FBXL17: variants seen among roughly 807,000 people sequenced by gnomAD.
FBXL17 encodes F-box/LRR-repeat protein 17.
In FBXL17, 22 loss-of-function variants were observed where a neutral mutation model predicts 66.2. The observed-to-expected ratio is 0.33, with a 90% CI of 0.24 to 0.47. The LOEUF is 0.47. Among genes scored for constraint, FBXL17 ranks in the 20% least tolerant of loss-of-function variants. FBXL17 has a pLI of 1.00. For missense variants in FBXL17, 878 were observed against 948.2 expected (o/e 0.93, Z 0.97); for synonymous variants, 474 against 400.5 (o/e 1.18, Z -2.19).
chr5:108,107,723 AAT>A (rs1749859698), intron 6 of FBXL17, among the ~76,000 whole-genome samples: 1 of 151,316 alleles, frequency 6.6e-6, no homozygotes, highest in African/African-American at 2.4e-5. Context: ...GAGGCAGGAG[AAT>A]GGCATGAACC....
chr5:108,007,436 A>G (rs1242357955), intron 7 of FBXL17, among the ~76,000 whole-genome samples: 1 of 152,208 alleles, frequency 6.6e-6, no homozygotes, highest in Admixed American at 6.5e-5. Flanking sequence ...GATCTTTCCT[A>G]GCAGGTTGTA....
rs1472909558 is a variant in FBXL17, at chr5:108,118,457, T to G, written c.1745+67660A>C. Among the ~76,000 whole-genome samples, 8 of 152,324 alleles carry G rather than the reference T, an allele frequency of 5.3e-5. No homozygotes were observed. In the East Asian group the frequency reaches 1.5e-3, roughly 29 times the overall value. On this transcript the variant is annotated intron_variant, in intron 6 of 8. Transcript: ENST00000542267. ...CTAGAGTCCCTCATCTCCCTCAGCCTCCACATGGGTAAGATCTTTTGCAAC... is the reference window on the plus strand; with the variant it reads ...CTAGAGTCCCTCATCTCCCTCAGCCGCCACATGGGTAAGATCTTTTGCAAC...
At chr5:107,993,712 A>G (rs908637643) in intron 7 of FBXL17, among the ~76,000 whole-genome samples, 1 of 152,198 alleles carries the variant, frequency 6.6e-6, no homozygotes, top group Admixed American at 6.5e-5. Context: ...TATGTTTAAA[A>G]GGAAGGTACA....
intron 4 of FBXL17, among the ~76,000 whole-genome samples, chr5:108,294,645 T>A (rs755234523): frequency 2.6e-5 from 4 of 152,094 alleles, no homozygotes; most frequent in Non-Finnish European, 5.9e-5. Context: ...GACATTTGTA[T>A]CCATCCATAT....
chr5:107,999,847 A>G (rs1262389554), intron 7 of FBXL17, among the ~76,000 whole-genome samples: 1 of 152,220 alleles, frequency 6.6e-6, no homozygotes, highest in Non-Finnish European at 1.5e-5. Context: ...AGTGTGATCT[A>G]TTCAACAGTC....
chr5:108,155,510 G>T (rs534375616), intron 6 of FBXL17, among the ~76,000 whole-genome samples: 1 of 151,862 alleles, frequency 6.6e-6, no homozygotes, highest in Non-Finnish European at 1.5e-5. Context: ...GCAAGACTCC[G>T]TCTCAAAAAA....
chr5:108,059,035 C>G (rs1313098949), intron 6 of FBXL17, among the ~76,000 whole-genome samples: 2 of 152,132 alleles, frequency 1.3e-5, no homozygotes, highest in Admixed American at 1.3e-4. Context: ...CATATATGAC[C>G]ATAGAAAAAG....
chr5:108,299,087 T>C, intron 4 of FBXL17: 2 of 976,688 alleles, frequency 2.0e-6, no homozygotes, highest in Non-Finnish European at 2.4e-6. Flanking sequence ...TTACTGCTAT[T>C]TTAAAAAACA....
chr5:108,377,254 C>T (rs1237868299), intron 1 of FBXL17, among the ~76,000 whole-genome samples: 1 of 152,288 alleles, frequency 6.6e-6, no homozygotes, highest in East Asian at 1.9e-4. Context: ...CATAGTTTCA[C>T]GTTATGCCAG....
chr5:108,055,986 C>G (rs929691233), intron 6 of FBXL17, among the ~76,000 whole-genome samples: 1 of 152,136 alleles, frequency 6.6e-6, no homozygotes, highest in Non-Finnish European at 1.5e-5. Flanking sequence ...AATCACATAC[C>G]TTCCTGCCAC....
At chr5:107,905,719 C>A (rs781592520) in intron 7 of FBXL17, among the ~76,000 whole-genome samples, 2 of 152,108 alleles carry the variant, frequency 1.3e-5, no homozygotes, top group African/African-American at 2.4e-5. Flanking sequence ...TATAACTCAC[C>A]CACACTAAAA....
At chr5:108,271,336 C>T (rs1049653171) in intron 4 of FBXL17, among the ~76,000 whole-genome samples, 1 of 152,140 alleles carries the variant, frequency 6.6e-6, no homozygotes, top group African/African-American at 2.4e-5. Context: ...ACTCTCAGCC[C>T]AACATCTGTT....
intron 3 of FBXL17, among the ~76,000 whole-genome samples, chr5:108,352,475 T>C (rs1249525769): frequency 1.3e-5 from 2 of 152,310 alleles, no homozygotes; most frequent in East Asian, 3.9e-4. Context: ...TAGTACTCTA[T>C]CTAAAAACCA....
chr5:107,912,797 A>G (rs1487215333), intron 7 of FBXL17, among the ~76,000 whole-genome samples: 1 of 152,178 alleles, frequency 6.6e-6, no homozygotes, highest in East Asian at 1.9e-4. Flanking sequence ...ATATATTATC[A>G]GTGCAATTAC....
chr5:108,055,608 CAAAAAAAAAAA>C (rs55653715), intron 6 of FBXL17, among the ~76,000 whole-genome samples: 6 of 51,150 alleles, frequency 1.2e-4, no homozygotes, highest in African/African-American at 3.3e-4. Context: ...GACTCTGTCT[CAAAAAAAAAAA>C]AAAAAAAAAA....
chr5:107,940,667 A>G (rs1277813148), intron 7 of FBXL17, among the ~76,000 whole-genome samples: 2 of 152,134 alleles, frequency 1.3e-5, no homozygotes, highest in African/African-American at 4.8e-5. Context: ...TGGGAGGGTA[A>G]TGGGTCCGTT....
chr5:108,314,975 C>G (rs1274579031), intron 4 of FBXL17, among the ~76,000 whole-genome samples: 1 of 150,752 alleles, frequency 6.6e-6, no homozygotes, highest in Non-Finnish European at 1.5e-5. Flanking sequence ...TTTTTATTTA[C>G]AATTTTATGT....
chr5:108,236,742 C>T (rs904921956), intron 4 of FBXL17, among the ~76,000 whole-genome samples: 6 of 152,156 alleles, frequency 3.9e-5, no homozygotes, highest in Middle Eastern at 3.4e-3. Context: ...GGTCATTTTC[C>T]GGGAGAAATA....
chr5:108,095,896 G>T (rs757704001), intron 6 of FBXL17, among the ~76,000 whole-genome samples: 8 of 152,120 alleles, frequency 5.3e-5, no homozygotes, highest in Non-Finnish European at 1.0e-4. Flanking sequence ...TAAGATCATT[G>T]CAAGACATGG....
Sources: gnomAD v4.1 joint callset for allele counts (sites outside exome capture counted in the v4.1 genomes callset) on GRCh38, gnomAD v4.1.1 for gene constraint, MANE v1.5 for transcripts, NCBI Gene and HGNC (gene_info 2026-07-23, HGNC 2026-07-21) for gene names.